The following SASH1 variants were observed in gnomAD, a reference collection of about 807,000 sequenced individuals.
SASH1 encodes SAM and SH3 domain containing 1, also known as SAM and SH3 domain-containing protein 1.
In SASH1, 44 loss-of-function variants were observed where a neutral mutation model predicts 125.2. The observed-to-expected ratio is 0.35, with a 90% CI of 0.28 to 0.45. The LOEUF (loss-of-function observed/expected upper bound fraction) is 0.45. Ranked by LOEUF, SASH1 falls within the 20% of genes least tolerant of loss-of-function variation. SASH1 has a pLI of 1.00. For synonymous variants in SASH1, 639 were observed against 649.1 expected, an observed-to-expected ratio of 0.98 and a Z score of 0.24; for missense variants, 1,426 against 1,614.5, an observed-to-expected ratio of 0.88 and a Z score of 2.00.
At chr6:148,445,555 TC>T (rs1165582817) in intron 4 of SASH1, among the ~76,000 whole-genome samples, 1 of 152,216 alleles carries the variant, frequency 6.6e-6, no homozygotes, top group African/African-American at 2.4e-5. Flanking sequence ...ACATCTGAGT[TC>T]CATGAATGGG....
At chr6:148,292,052 A>C (rs1450797453) in intron 1 of SASH1, among the ~76,000 whole-genome samples, 4 of 152,222 alleles carry the variant, frequency 2.6e-5, no homozygotes, top group Non-Finnish European at 4.4e-5. Flanking sequence ...TTCAGGAAAA[A>C]AACGCCTGAA....
intron 1 of SASH1, among the ~76,000 whole-genome samples, chr6:148,365,122 C>CA (rs370006068): frequency 0.38 from 53,007 of 139,490 alleles, 9,518 homozygotes; most frequent in Admixed American, 0.42. Flanking sequence ...GACTCTGTCA[C>CA]AAAAAAAAAA....
the SASH1 span, among the ~76,000 whole-genome samples, chr6:148,224,104 A>G: frequency 6.6e-6 from 1 of 152,180 alleles, no homozygotes; most frequent in East Asian, 1.9e-4. Flanking sequence ...GCCCAGCCTG[A>G]GCAACATGGT....
At chr6:148,326,333 T>TATATATATATATATATGC (rs1780803112) in intron 1 of SASH1, among the ~76,000 whole-genome samples, 2 of 65,638 alleles carry the variant, frequency 3.0e-5, no homozygotes, top group African/African-American at 1.3e-4. Context: ...CATATATATA[T>TATATATATATATATATGC]ATATATATAT....
the SASH1 span, among the ~76,000 whole-genome samples, chr6:148,211,115 T>C: frequency 4.6e-5 from 7 of 152,214 alleles, no homozygotes; most frequent in South Asian, 4.1e-4. Flanking sequence ...ACTAAAGATA[T>C]GCTACCTACC....
the SASH1 span, among the ~76,000 whole-genome samples, chr6:148,234,815 G>A: frequency 3.4e-5 from 5 of 148,910 alleles, no homozygotes; most frequent in Non-Finnish European, 5.9e-5. Context: ...CAAGAAGAGC[G>A]AAACTCCGTT....
chr6:148,374,262 G>C (rs1782806454), intron 1 of SASH1, among the ~76,000 whole-genome samples: 1 of 152,188 alleles, frequency 6.6e-6, no homozygotes, highest in Non-Finnish European at 1.5e-5. Context: ...CCTTTTAAGG[G>C]ATTGTTTCAT....
Position 148,544,391 on chromosome 6 carries a change from A to G in SASH1, c.2921A>G (p.Gln974Arg). The change falls in exon 18 of 20, where the codon CAG becomes CGG. Residue 974 changes from glutamine (Q) to arginine (R), a missense_variant. Physicochemically the swap from Gln to Arg is conservative, Grantham distance 43. Around this residue, in one of 3 missense-constraint regions of SASH1, gnomAD observed 634 missense variants for 694.4 expected, o/e 0.91. Transcript: ENST00000367467. This position sits in a 1 kb window ranked among gnomAD's most constrained non-coding sequence, Gnocchi z 6.4. Reference protein sequence around the residue: ...LGTKEGVDAEQRMQPKIPSQP... With the variant: ...LGTKEGVDAERRMQPKIPSQP... ...ACCAAAGAAGGGGTAGATGCTGAGCAGAGAATGCAGCCCAAAATTCCATCA... is the reference window on the plus strand; with the variant it reads ...ACCAAAGAAGGGGTAGATGCTGAGCGGAGAATGCAGCCCAAAATTCCATCA... 1.2e-6 allele frequency: 2 copies of G among 1,614,212 alleles called. No homozygotes were observed. The highest frequency in any genetic ancestry group is 1.1e-5 in the South Asian group (1 of 91,086).
the SASH1 span, among the ~76,000 whole-genome samples, chr6:148,255,941 C>G: frequency 1.3e-5 from 2 of 152,132 alleles, no homozygotes; most frequent in Non-Finnish European, 2.9e-5. Context: ...CATGCTTGGC[C>G]AAAGCTTTTC....
chr6:148,387,620 CTTTCTTTCTTTCTTTCT>C (rs1783484412), intron 1 of SASH1, among the ~76,000 whole-genome samples: 2 of 24,696 alleles, frequency 8.1e-5, no homozygotes, highest in African/African-American at 3.2e-4. Context: ...TTCTTTCTTT[CTTTCTTTCTTTCTTTCT>C]TTCTTTCTTT....
In SASH1 at chr6:148,544,626, A is replaced by G. The variant is rs573645544; in HGVS notation, c.3156A>G (p.Pro1052=). 6.2e-7 allele frequency: 1 copy of G among 1,613,206 alleles called. No homozygotes were observed. Among genetic ancestry groups the G allele is most frequent in the South Asian group, 1.1e-5 (1 of 91,034 alleles). ...TCTCAGGGCAGGCGCCTGGCAGCCC[A>G]CCAAGCACAAGGCCGCCCCCCTGGC... is the stretch of plus-strand genomic sequence containing the variant. The part of the protein sequence containing the change: ...RPLSGQAPGS[P]PSTRPPPWLS... The change falls in exon 18 of 20, where the codon CCA becomes CCG. Residue 1052 remains proline, a synonymous_variant. Coordinates refer to ENST00000367467, the MANE Select transcript of SASH1 (RefSeq NM_015278.5). This position sits in a 1 kb window ranked among gnomAD's most constrained non-coding sequence, Gnocchi z 6.4.
At chr6:148,268,566 G>A (rs79015262), upstream of SASH1, among the ~76,000 whole-genome samples, 5,686 of 152,322 alleles carry the variant, frequency 0.037, 139 homozygotes, top group Middle Eastern at 0.075. Context: ...TGACAGAATG[G>A]TTGGTCTATC....
At chr6:148,294,969 A>G (rs941081046) in intron 1 of SASH1, among the ~76,000 whole-genome samples, 2 of 152,218 alleles carry the variant, frequency 1.3e-5, no homozygotes, top group Non-Finnish European at 2.9e-5. Context: ...ATAGAATTGA[A>G]TCTGGTTCCC....
chr6:148,390,617 T>C (rs1783665005), intron 2 of SASH1, among the ~76,000 whole-genome samples: 1 of 152,016 alleles, frequency 6.6e-6, no homozygotes, highest in Non-Finnish European at 1.5e-5. Context: ...AAACCCCGTC[T>C]CTACTAAAAA....
chr6:148,542,236 T>A (rs192784108), intron 17 of SASH1, among the ~76,000 whole-genome samples: 127 of 152,276 alleles, frequency 8.3e-4, no homozygotes, highest in Admixed American at 1.5e-3. Flanking sequence ...AACTTATATA[T>A]ATAGTTTTAT....
intron 1 of SASH1, among the ~76,000 whole-genome samples, chr6:148,326,371 T>TATATATAC (rs1429437404): frequency 1.3e-5 from 1 of 74,454 alleles, no homozygotes. Flanking sequence ...TATATATATA[T>TATATATAC]ATACATTCTT....
chr6:148,222,086 C>T, the SASH1 span, among the ~76,000 whole-genome samples: 1 of 152,176 alleles, frequency 6.6e-6, no homozygotes, highest in East Asian at 1.9e-4. Context: ...CCCCTTCTAA[C>T]CTATGGTCTC....
At chr6:148,531,736 C>T in intron 13 of SASH1, 75 bp downstream of exon 13, 1 of 1,248,492 alleles carries the variant, frequency 8.0e-7, no homozygotes, top group Non-Finnish European at 1.0e-6. Context: ...TAGGTTCAGG[C>T]AATTTCAAGG....
rs566630129 is a variant in SASH1 at position 148,310,557 on chromosome 6, A to T, written n.74+38180A>T. On this transcript the variant is annotated intron_variant and non_coding_transcript_variant, in intron 1 of 3. Transcript: ENST00000367469. ...GATAAATTGAACTTAGTCAAAATTT[A>T]AAATTCTCCTTGAAAGATGCTATAA... 8.7e-4 allele frequency among the ~76,000 whole-genome samples: 133 copies of T among 152,334 alleles called. 1 individual carries two copies. Among genetic ancestry groups the T allele is most frequent in the Middle Eastern group, 6.8e-3 (2 of 294 alleles).
Sources: allele counts gnomAD v4.1 joint callset (sites outside exome capture counted in the v4.1 genomes callset), GRCh38; gene constraint gnomAD v4.1.1; regional missense constraint gnomAD v4.1.1; non-coding constraint Gnocchi (gnomAD v3.1); transcripts MANE v1.5; gene names NCBI Gene and HGNC (gene_info 2026-07-23, HGNC 2026-07-21).